Variants in TAFA2 observed in about 807,000 individuals in gnomAD.
The protein encoded by TAFA2 is chemokine-like protein TAFA-2.
A neutral mutation model predicts 18.8 loss-of-function variants in TAFA2; 7 were observed. The ratio of observed to expected loss-of-function variants is 0.37; its 90% confidence interval spans 0.21 to 0.70. TAFA2 has a LOEUF of 0.70. Among genes scored for constraint, TAFA2 ranks in the 30% least tolerant of loss-of-function variants. The pLI, the probability that TAFA2 is intolerant of heterozygous loss-of-function variation, is 0.53. For synonymous variants in TAFA2, 60 were observed against 54.2 expected, an observed-to-expected ratio of 1.11 and a Z score of -0.47; for missense variants, 122 against 158.1, an observed-to-expected ratio of 0.77 and a Z score of 1.23.
chr12:61,905,505 T>C (rs576196269), intron 1 of TAFA2, among the ~76,000 whole-genome samples: 42 of 152,314 alleles, frequency 2.8e-4, no homozygotes, highest in African/African-American at 1.0e-3. Flanking sequence ...TATTATTTCA[T>C]TAGCATTGAG....
intron 1 of TAFA2, among the ~76,000 whole-genome samples, chr12:62,073,487 G>A (rs1882686301): frequency 6.7e-6 from 1 of 148,998 alleles, no homozygotes; most frequent in African/African-American, 2.5e-5. Context: ...ATTATAGGTA[G>A]GTGTTATTAT....
chr12:61,764,609 T>G (rs574779519), intron 2 of TAFA2, among the ~76,000 whole-genome samples: 87 of 152,208 alleles, frequency 5.7e-4, no homozygotes, highest in African/African-American at 2.0e-3. Context: ...TTGGAGTTAA[T>G]TTAGACTTAG....
At chr12:61,879,431 T>C in intron 1 of TAFA2, 3 of 698,668 alleles carry the variant, frequency 4.3e-6, no homozygotes, top group Non-Finnish European at 7.8e-6. Context: ...TCCTCAAGCT[T>C]CTCCCGAGTG....
At position 62,156,871 on chromosome 12, in the gene TAFA2, C is replaced by T. The variant is rs148062946; in HGVS notation, c.-2+34388G>A. On this transcript the variant is annotated intron_variant, in intron 1 of 4. Coordinates refer to ENST00000416284, the MANE Select transcript of TAFA2 (RefSeq NM_178539.5). Reference sequence around the variant, plus strand: ...TCATGTAACTAAATACCGCCTGTACCCCAATAACTTAAGGGAAAAAAATTT... The same window carrying T: ...TCATGTAACTAAATACCGCCTGTACTCCAATAACTTAAGGGAAAAAAATTT... Among the ~76,000 whole-genome samples the T allele has an allele frequency of 2.0e-3, 298 of 152,106 alleles. 1 individual carries two copies. Among genetic ancestry groups the T allele is most frequent in the African/African-American group, 7.1e-3 (293 of 41,492 alleles).
chr12:61,931,436 G>C (rs937540018), intron 1 of TAFA2, among the ~76,000 whole-genome samples: 4 of 152,196 alleles, frequency 2.6e-5, no homozygotes, highest in Non-Finnish European at 5.9e-5. Flanking sequence ...CTTGGCACTG[G>C]CCAGCTGCTG....
chr12:62,118,563 G>T (rs894573402), intron 1 of TAFA2, among the ~76,000 whole-genome samples: 2 of 152,000 alleles, frequency 1.3e-5, no homozygotes, highest in African/African-American at 4.8e-5. Flanking sequence ...TAAAATGATT[G>T]CACCAATTTG....
At chr12:62,000,674 G>A (rs1276164157) in intron 1 of TAFA2, among the ~76,000 whole-genome samples, 1 of 114,390 alleles carries the variant, frequency 8.7e-6, no homozygotes, top group Non-Finnish European at 1.9e-5. Flanking sequence ...ATATCCCCAA[G>A]CTGGAACAAT....
intron 1 of TAFA2, among the ~76,000 whole-genome samples, chr12:62,099,421 G>A (rs1373482015): frequency 6.6e-6 from 1 of 152,106 alleles, no homozygotes; most frequent in East Asian, 1.9e-4. Context: ...TAACGCTCCA[G>A]AAACCTCACA....
At position 61,872,738 on chromosome 12, in the gene TAFA2, G is replaced by A. The variant is rs571849971; in HGVS notation, c.-1-5312C>T. Among the ~76,000 whole-genome samples, 6 of 151,990 alleles carry A rather than the reference G, an allele frequency of 3.9e-5. No individual in the cohort carries two copies. The South Asian group carries it at 1.0e-3, about 26-fold the overall frequency. On this transcript the variant is annotated intron_variant, in intron 1 of 4. Coordinates refer to ENST00000416284, the MANE Select transcript of TAFA2 (RefSeq NM_178539.5). ...GCTAAATCTAGACCTTACCCTAAAC[G>A]TTAATTCTGCCATGAAGGTTCTCCC...
intron 1 of TAFA2, among the ~76,000 whole-genome samples, chr12:61,968,812 C>T (rs989526631): frequency 1.3e-5 from 2 of 151,092 alleles, no homozygotes; most frequent in Non-Finnish European, 3.0e-5. Context: ...GTTCATGACT[C>T]TATGAACTCT....
chr12:62,203,362 C>G (rs2062679665), intron 1 of TAFA2, among the ~76,000 whole-genome samples: 1 of 152,182 alleles, frequency 6.6e-6, no homozygotes, highest in African/African-American at 2.4e-5. Context: ...TCCACTTGAT[C>G]CAGAGCTGAG....
chr12:61,724,194 T>C (rs1253522985), intron 4 of TAFA2, among the ~76,000 whole-genome samples: 1 of 152,160 alleles, frequency 6.6e-6, no homozygotes, highest in Non-Finnish European at 1.5e-5. Context: ...TTAAAGCATG[T>C]ATGTGGCATG....
At chr12:62,132,084 AAG>A (rs1237774774) in intron 1 of TAFA2, among the ~76,000 whole-genome samples, 1 of 151,888 alleles carries the variant, frequency 6.6e-6, no homozygotes, top group Admixed American at 6.6e-5. Flanking sequence ...AAAAAAAAAA[AAG>A]AATTTAAAAT....
At chr12:61,893,418 G>A (rs574764371) in intron 1 of TAFA2, among the ~76,000 whole-genome samples, 1 of 152,296 alleles carries the variant, frequency 6.6e-6, no homozygotes, top group Admixed American at 6.5e-5. Flanking sequence ...CAAAAACTGG[G>A]TAGCAGCTAT....
intron 4 of TAFA2, among the ~76,000 whole-genome samples, chr12:61,731,677 T>C (rs1283781830): frequency 6.6e-6 from 1 of 152,120 alleles, no homozygotes; most frequent in South Asian, 2.1e-4. Context: ...ATAGTCCCCA[T>C]TTATGATTTA....
chr12:62,172,463 T>A (rs1343125876), intron 1 of TAFA2, among the ~76,000 whole-genome samples: 1 of 152,228 alleles, frequency 6.6e-6, no homozygotes, highest in East Asian at 1.9e-4. Flanking sequence ...TGATGTTACT[T>A]GAATGATATA....
At chr12:61,763,955 C>A (rs1180035755) in intron 2 of TAFA2, among the ~76,000 whole-genome samples, 1 of 151,870 alleles carries the variant, frequency 6.6e-6, no homozygotes, top group Non-Finnish European at 1.5e-5. Context: ...GTCTCTGTTC[C>A]TTGATCCAAA....
chr12:62,129,244 G>A (rs1301624410), intron 1 of TAFA2, among the ~76,000 whole-genome samples: 1 of 152,006 alleles, frequency 6.6e-6, no homozygotes, highest in Non-Finnish European at 1.5e-5. Flanking sequence ...AATAACAGCA[G>A]TGCTGAGAGA....
chr12:62,021,741 AC>A lies in TAFA2; in HGVS notation c.-1-154316del, dbSNP rs575551763. Reference sequence around the variant, plus strand: ...TGGGTCCCAAGGCAGCATGATCTTCACCTTGATGCCCAGCACACCCTGTCTG... The same window carrying A: ...TGGGTCCCAAGGCAGCATGATCTTCACTTGATGCCCAGCACACCCTGTCTG... On this transcript the variant is annotated intron_variant, in intron 1 of 4. Transcript: ENST00000416284. 4.7e-5 allele frequency: 69 copies of A among 1,466,106 alleles called. No individual in the cohort carries two copies. The East Asian group carries it at 1.3e-3, about 28-fold the overall frequency. The allele number at this position is 1,466,106 out of a possible 1,614,324, so 90.8% of individuals were successfully genotyped here. A position where few individuals can be genotyped will look rare whatever the true frequency, so the allele number is the denominator to read the frequency against.
Sources: allele counts gnomAD v4.1 joint callset (sites outside exome capture counted in the v4.1 genomes callset), GRCh38; gene constraint gnomAD v4.1.1; transcripts MANE v1.5; gene names NCBI Gene and HGNC (gene_info 2026-07-23, HGNC 2026-07-21).